The following KAT6B variants were observed in gnomAD, a reference collection of about 807,000 sequenced individuals.
KAT6B encodes histone acetyltransferase KAT6B.
In KAT6B, 10 loss-of-function variants were observed where a neutral mutation model predicts 187.5. The ratio of observed to expected loss-of-function variants is 0.05; its 90% CI spans 0.03 to 0.09. The LOEUF (loss-of-function observed/expected upper bound fraction) is 0.09, where lower values mean the gene tolerates loss of function less well. KAT6B is among the 10% of genes least tolerant of loss of function. The pLI, the probability that KAT6B is intolerant of heterozygous loss-of-function variation, is 1.00. For missense variants in KAT6B, 1,952 were observed against 2,558.9 expected (o/e 0.76, Z 5.12); for synonymous variants, 861 against 926.8 (o/e 0.93, Z 1.29).
At chr10:74,861,375 C>T (rs955138229) in intron 3 of KAT6B, among the ~76,000 whole-genome samples, 1 of 152,188 alleles carries the variant, frequency 6.6e-6, no homozygotes, top group Non-Finnish European at 1.5e-5. Context: ...GAGTGATCAT[C>T]ACTTTTAGAG....
At chr10:74,921,480 G>GT (rs1336708681) in intron 3 of KAT6B, among the ~76,000 whole-genome samples, 1 of 152,108 alleles carries the variant, frequency 6.6e-6, no homozygotes, top group Non-Finnish European at 1.5e-5. Flanking sequence ...GTCCCTTGCT[G>GT]TTTTTTGGGC....
intron 16 of KAT6B, chr10:75,023,843 A>G (rs1289010510): frequency 6.6e-6 from 1 of 152,138 alleles, no homozygotes; most frequent in Non-Finnish European, 1.5e-5. Context: ...CTGTCTCTAT[A>G]AAAAATAAAT....
intron 3 of KAT6B, among the ~76,000 whole-genome samples, chr10:74,897,135 T>A (rs1201943496): frequency 6.6e-6 from 1 of 152,228 alleles, no homozygotes; most frequent in African/African-American, 2.4e-5. Context: ...TGTGTTTTAT[T>A]AACTGCCAGT....
intron 3 of KAT6B, among the ~76,000 whole-genome samples, chr10:74,942,747 A>G (rs192787225): frequency 0.017 from 2,448 of 143,884 alleles, 67 homozygotes; most frequent in African/African-American, 0.055. Context: ...CCTAGGCAAC[A>G]AGAGCGAAAC....
chr10:74,973,668 C>T (rs1389637741), intron 7 of KAT6B, among the ~76,000 whole-genome samples: 3 of 152,136 alleles, frequency 2.0e-5, no homozygotes, highest in African/African-American at 7.2e-5. Context: ...GAAATGCAGG[C>T]TCCTTTCTAG....
Position 75,022,014 on chromosome 10 carries a change from G to A in KAT6B, c.3155G>A (p.Arg1052Gln), listed in dbSNP as rs368055515. Reference sequence around the variant, plus strand: ...AAATATTTGCATTCCCCGGAGAGCCGGCCAGTCACAGGGGAGCGAGGGCAG... The same window carrying A: ...AAATATTTGCATTCCCCGGAGAGCCAGCCAGTCACAGGGGAGCGAGGGCAG... The part of the protein sequence containing the change: ...KNKYLHSPES[R>Q]PVTGERGQLL... The change falls in exon 16 of 18, where the codon CGG becomes CAG. Residue 1052 changes from arginine (R) to glutamine (Q), a missense_variant. Physicochemically the swap from Arg to Gln is conservative, Grantham distance 43. Around this residue, in one of 9 missense-constraint regions of KAT6B, gnomAD observed 758 missense variants for 891.4 expected, o/e 0.85. Coordinates refer to ENST00000287239, the MANE Select transcript of KAT6B (RefSeq NM_012330.4). 6 of 1,614,040 alleles carry A rather than the reference G, an allele frequency of 3.7e-6. No individual in the cohort carries two copies. The highest frequency in any genetic ancestry group is 1.1e-5 in the South Asian group (1 of 91,064).
intron 3 of KAT6B, among the ~76,000 whole-genome samples, chr10:74,845,374 T>A (rs1049205212): frequency 6.6e-6 from 1 of 151,314 alleles, no homozygotes; most frequent in Non-Finnish European, 1.5e-5. Context: ...ACAAAAAAAT[T>A]AGGCAGGCGT....
chr10:74,934,821 G>C (rs767829348), intron 3 of KAT6B, among the ~76,000 whole-genome samples: 3 of 152,024 alleles, frequency 2.0e-5, no homozygotes, highest in Admixed American at 6.6e-5. Flanking sequence ...CTTCATTCAG[G>C]TCTGACAATA....
intron 3 of KAT6B, among the ~76,000 whole-genome samples, chr10:74,950,249 A>G (rs1840226762): frequency 6.6e-6 from 1 of 152,178 alleles, no homozygotes; most frequent in South Asian, 2.1e-4. Flanking sequence ...CATGGAATAA[A>G]ACAAAAGGGT....
chr10:75,011,697 TAGTC>T (rs763411852), intron 13 of KAT6B, among the ~76,000 whole-genome samples: 5 of 152,210 alleles, frequency 3.3e-5, no homozygotes, highest in South Asian at 2.1e-4. Flanking sequence ...ATCTATATCA[TAGTC>T]AGTCACCTTA....
intron 3 of KAT6B, among the ~76,000 whole-genome samples, chr10:74,923,200 A>G (rs1398542046): frequency 6.6e-6 from 1 of 152,228 alleles, no homozygotes; most frequent in African/African-American, 2.4e-5. Context: ...AAACAATTCT[A>G]TTATTAGAAG....
At chr10:74,910,127 TAA>T (rs74778723) in intron 3 of KAT6B, among the ~76,000 whole-genome samples, 34 of 110,204 alleles carry the variant, frequency 3.1e-4, no homozygotes, top group Admixed American at 1.7e-4. Flanking sequence ...CCATCTCTAC[TAA>T]AAAAAAAAAA....
intron 4 of KAT6B, among the ~76,000 whole-genome samples, chr10:74,961,713 TCTC>T (rs1282253649): frequency 1.3e-5 from 2 of 152,212 alleles, no homozygotes; most frequent in Non-Finnish European, 2.9e-5. Flanking sequence ...GGGAGGTTGA[TCTC>T]CTTTATGTTT....
chr10:74,983,766 A>T (rs1842660959), intron 11 of KAT6B: 1 of 152,226 alleles, frequency 6.6e-6, no homozygotes, highest in Admixed American at 6.5e-5. Flanking sequence ...AGAAGCATGT[A>T]TGTAAAATTC....
At chr10:74,994,959 T>C (rs1843336549) in intron 13 of KAT6B, among the ~76,000 whole-genome samples, 1 of 152,174 alleles carries the variant, frequency 6.6e-6, no homozygotes, top group Non-Finnish European at 1.5e-5. Flanking sequence ...ATGGGTGTTA[T>C]AAACACATAT....
At chr10:74,983,512 C>T (rs1842642538) in intron 11 of KAT6B, 1 of 152,246 alleles carries the variant, frequency 6.6e-6, no homozygotes, top group Non-Finnish European at 1.5e-5. Context: ...CTATTGGCTC[C>T]TTCCTTGATG....
chr10:75,011,877 A>G (rs188988272), intron 13 of KAT6B, among the ~76,000 whole-genome samples: 257 of 152,264 alleles, frequency 1.7e-3, no homozygotes, highest in Non-Finnish European at 3.1e-3. Context: ...GTCAGTTCAG[A>G]GATTTGCCTG....
intron 13 of KAT6B, among the ~76,000 whole-genome samples, chr10:74,997,233 C>A (rs915794739): frequency 1.4e-4 from 20 of 148,100 alleles, no homozygotes; most frequent in African/African-American, 4.7e-4. Flanking sequence ...GTTCTCCCCA[C>A]CCCCCCATTC....
intron 9 of KAT6B, among the ~76,000 whole-genome samples, chr10:74,978,857 C>T (rs1249806300): frequency 6.6e-6 from 1 of 152,188 alleles, no homozygotes; most frequent in East Asian, 1.9e-4. Context: ...TTTATAATCA[C>T]CTAATTTCTA....
Sources: gnomAD v4.1 joint callset for allele counts (sites outside exome capture counted in the v4.1 genomes callset) on GRCh38, gnomAD v4.1.1 for gene constraint, gnomAD v4.1.1 regional missense constraint, MANE v1.5 for transcripts, NCBI Gene and HGNC (gene_info 2026-07-23, HGNC 2026-07-21) for gene names.